Variants in RYR3 observed in about 807,000 individuals in gnomAD.
RYR3 encodes brain ryanodine receptor-calcium release channel.
Under a neutral mutation model 584.3 loss-of-function variants are expected in RYR3, and 207 were observed. The observed-to-expected ratio is 0.35, with a 90% confidence interval of 0.32 to 0.40. The LOEUF (loss-of-function observed/expected upper bound fraction) is 0.40. Ranked by LOEUF, RYR3 falls within the 10% of genes least tolerant of loss-of-function variation. The pLI is 1.00. For synonymous variants in RYR3, 2,416 were observed against 2,248.5 expected, an observed-to-expected ratio of 1.07 and a Z score of -2.11; for missense variants, 5,616 against 6,089.2, an observed-to-expected ratio of 0.92 and a Z score of 2.59.
Position 33,530,592 on chromosome 15 carries a change from G to A in RYR3, c.280G>A (p.Ala94Thr). Residue 94 changes from alanine (A) to threonine (T), a missense_variant and splice_region_variant, in exon 4 of 104, where the codon GCA becomes ACA. Ala to Thr is a moderately conservative substitution (Grantham distance 58). Coordinates refer to ENST00000634891, the MANE Select transcript of RYR3 (RefSeq NM_001036.6). ...ANTGENGGEG[A>T]AQGGGHRTLL... is the part of the protein sequence containing the mutation. Reference sequence around the variant, plus strand: ...ACCTTATTCTTCCTCATTCCCACAGGCAGCACAAGGAGGTGGCCACAGGAC... The same window carrying A: ...ACCTTATTCTTCCTCATTCCCACAGACAGCACAAGGAGGTGGCCACAGGAC... 6.2e-7 allele frequency: 1 copy of A among 1,610,850 alleles called. No homozygotes were observed. Among genetic ancestry groups the A allele is most frequent in the Non-Finnish European group, 8.5e-7 (1 of 1,177,262 alleles).
At chr15:33,445,157 G>A (rs1191504270) in intron 1 of RYR3, among the ~76,000 whole-genome samples, 1 of 152,210 alleles carries the variant, frequency 6.6e-6, no homozygotes, top group African/African-American at 2.4e-5. Context: ...GCAGGAAGGT[G>A]AGTTGATAAG....
At chr15:33,801,585 T>A (rs2152931107) in intron 68 of RYR3, among the ~76,000 whole-genome samples, 1 of 151,354 alleles carries the variant, frequency 6.6e-6, no homozygotes, top group South Asian at 2.1e-4. Flanking sequence ...TAGAGTCAGG[T>A]TGGAATTTGG....
At chr15:33,843,637 A>C in intron 92 of RYR3, 63 bp downstream of exon 92, 1 of 1,108,164 alleles carries the variant, frequency 9.0e-7, no homozygotes, top group Non-Finnish European at 1.3e-6. Flanking sequence ...TATGTGTAGA[A>C]AAAGAATCAT....
intron 16 of RYR3, among the ~76,000 whole-genome samples, chr15:33,594,159 T>G (rs1368116495): frequency 2.0e-5 from 3 of 152,222 alleles, no homozygotes; most frequent in Non-Finnish European, 2.9e-5. Context: ...ACACAAAATA[T>G]GAGGCCATTT....
intron 1 of RYR3, among the ~76,000 whole-genome samples, chr15:33,434,143 G>C (rs546200464): frequency 6.6e-6 from 1 of 152,302 alleles, no homozygotes; most frequent in East Asian, 1.9e-4. Context: ...AAAAATAGTT[G>C]ATGATATCAT....
intron 1 of RYR3, among the ~76,000 whole-genome samples, chr15:33,411,558 C>A (rs2043409616): frequency 6.6e-6 from 1 of 152,176 alleles, no homozygotes; most frequent in Admixed American, 6.5e-5. Context: ...GTGCTATCTT[C>A]CCAGTCAACC....
chr15:33,433,040 T>C (rs2045337691), intron 1 of RYR3, among the ~76,000 whole-genome samples: 1 of 152,112 alleles, frequency 6.6e-6, no homozygotes, highest in African/African-American at 2.4e-5. Context: ...GAGGCCTATA[T>C]TGACCTTTTC....
chr15:33,575,143 C>A (rs1215675325), intron 12 of RYR3, among the ~76,000 whole-genome samples: 1 of 152,010 alleles, frequency 6.6e-6, no homozygotes, highest in Non-Finnish European at 1.5e-5. Context: ...TTCTTAGAGA[C>A]CTGCAAAGAG....
At chr15:33,863,320 G>C (rs978528147) in intron 102 of RYR3, among the ~76,000 whole-genome samples, 1 of 152,148 alleles carries the variant, frequency 6.6e-6, no homozygotes, top group Non-Finnish European at 1.5e-5. Flanking sequence ...ATGAGAAGCG[G>C]AAAGGCAGTG....
chr15:33,375,227 T>C (rs2040634846), intron 1 of RYR3, among the ~76,000 whole-genome samples: 1 of 151,740 alleles, frequency 6.6e-6, no homozygotes, highest in Non-Finnish European at 1.5e-5. Flanking sequence ...TTAAGTGAAA[T>C]AATACAAAGC....
intron 1 of RYR3, among the ~76,000 whole-genome samples, chr15:33,391,744 A>G (rs1375229793): frequency 2.0e-5 from 3 of 152,294 alleles, no homozygotes; most frequent in South Asian, 2.1e-4. Context: ...AAGAAATTGC[A>G]AAGTCCTTTC....
At chr15:33,335,217 A>G (rs1432128120) in intron 1 of RYR3, among the ~76,000 whole-genome samples, 1 of 152,242 alleles carries the variant, frequency 6.6e-6, no homozygotes, top group Non-Finnish European at 1.5e-5. Flanking sequence ...TATTATAAAG[A>G]CACATGTATG....
At chr15:33,755,616 A>AAAAC (rs920886490) in intron 58 of RYR3, among the ~76,000 whole-genome samples, 10 of 148,352 alleles carry the variant, frequency 6.7e-5, no homozygotes, top group South Asian at 4.1e-4. Context: ...ATTCTATCTC[A>AAAAC]AAACAAACAA....
Position 33,843,342 on chromosome 15 carries a change from G to A in RYR3, c.13210-146G>A, listed in dbSNP as rs944941156. 7.4e-5 allele frequency: 43 copies of A among 584,224 alleles called. 1 individual carries two copies. Among genetic ancestry groups the A allele is most frequent in the Non-Finnish European group, 5.2e-5 (17 of 327,396 alleles). 36.2% of individuals were successfully genotyped at this position (584,224 alleles called of 1,614,324 possible). A position where few individuals can be genotyped will look rare whatever the true frequency, so the allele number is the denominator to read the frequency against. On this transcript the variant is annotated intron_variant, in intron 91 of 103. Coordinates refer to ENST00000634891, the MANE Select transcript of RYR3 (RefSeq NM_001036.6). ...CTCAAAAAAAAAGAAAGAAAAGAAT[G>A]CCAGGGTTACCCTAGAAGAGTGGTC...
At position 33,662,630 on chromosome 15, in the gene RYR3, A is replaced by C; in HGVS notation, c.5100A>C (p.Thr1700=). ...GGACGAAGGCTCTGAGTATGCTGAC[A>C]GAGGCAGTGCAGTGCAGCGGGGCCC... The part of the protein sequence containing the change: ...SLRTKALSML[T]EAVQCSGAHI... Residue 1700 remains threonine (T), a synonymous_variant, in exon 35 of 104, where the codon ACA becomes ACC. Transcript: ENST00000634891. 6.2e-7 allele frequency: 1 copy of C among 1,614,030 alleles called. No homozygotes were observed. The highest frequency in any genetic ancestry group is 2.2e-5 in the East Asian group (1 of 44,888).
chr15:33,530,751 C>A, intron 4 of RYR3, 85 bp downstream of exon 4: 1 of 981,562 alleles, frequency 1.0e-6, no homozygotes, highest in Non-Finnish European at 1.6e-6. Flanking sequence ...GCAATAACAA[C>A]GTAACAGCAG....
chr15:33,640,434 C>A (rs1196252217), intron 27 of RYR3, among the ~76,000 whole-genome samples: 1 of 152,178 alleles, frequency 6.6e-6, no homozygotes, highest in Non-Finnish European at 1.5e-5. Flanking sequence ...TTGAAACTCC[C>A]AGAAACACCC....
At chr15:33,404,589 G>GT (rs57118667) in intron 1 of RYR3, among the ~76,000 whole-genome samples, 37,484 of 144,294 alleles carry the variant, frequency 0.26, 4,904 homozygotes, top group Middle Eastern at 0.35. Flanking sequence ...ACTACTGTGT[G>GT]TTTTTTTTTT....
chr15:33,368,024 G>A (rs965883381), intron 1 of RYR3, among the ~76,000 whole-genome samples: 2 of 152,146 alleles, frequency 1.3e-5, no homozygotes, highest in Non-Finnish European at 2.9e-5. Context: ...GGGAAGGAAG[G>A]GGGGAAGCTG....
Sources: allele counts gnomAD v4.1 joint callset (sites outside exome capture counted in the v4.1 genomes callset), GRCh38; gene constraint gnomAD v4.1.1; transcripts MANE v1.5; gene names NCBI Gene and HGNC (gene_info 2026-07-23, HGNC 2026-07-21).